Variants in STON2 observed in about 807,000 individuals in gnomAD.
STON2 encodes stonin-2.
In STON2, 29 loss-of-function variants were observed where a neutral mutation model predicts 65.7. The ratio of observed to expected loss-of-function variants is 0.44; its 90% CI spans 0.33 to 0.60. The LOEUF is 0.60. Ranked by LOEUF, STON2 falls within the 20% of genes least tolerant of loss-of-function variation. The probability of loss-of-function intolerance (pLI) is 0.03; values close to 1 mark genes in which losing one functional copy is unlikely to be tolerated. For missense variants in STON2, 1,054 were observed against 1,118.1 expected, an observed-to-expected ratio of 0.94 and a Z score of 0.82; for synonymous variants, 404 against 414.2, an observed-to-expected ratio of 0.98 and a Z score of 0.30.
intron 4 of STON2, among the ~76,000 whole-genome samples, chr14:81,328,953 C>T (rs909862962): frequency 6.6e-6 from 1 of 152,158 alleles, no homozygotes; most frequent in Non-Finnish European, 1.5e-5. Context: ...ACCTGAAGAA[C>T]CATGAGCCAA....
chr14:81,387,614 C>T (rs573608042), intron 3 of STON2, among the ~76,000 whole-genome samples: 3 of 151,972 alleles, frequency 2.0e-5, no homozygotes, highest in Admixed American at 6.6e-5. Flanking sequence ...TCAGGCCAGG[C>T]GTGGTGGCTC....
chr14:81,346,458 T>C (rs565116262), intron 4 of STON2, among the ~76,000 whole-genome samples: 2 of 152,132 alleles, frequency 1.3e-5, no homozygotes, highest in Non-Finnish European at 2.9e-5. Context: ...GCTTGGACAT[T>C]AGGACACAGG....
At chr14:81,374,268 C>T (rs577622980) in intron 3 of STON2, among the ~76,000 whole-genome samples, 4 of 151,620 alleles carry the variant, frequency 2.6e-5, no homozygotes, top group Admixed American at 2.6e-4. Flanking sequence ...ATCTGCCCAC[C>T]TCTGCCTCCC....
At chr14:81,364,385 G>C (rs1898628557) in intron 4 of STON2, among the ~76,000 whole-genome samples, 1 of 152,094 alleles carries the variant, frequency 6.6e-6, no homozygotes, top group South Asian at 2.1e-4. Flanking sequence ...GACAAAGTAA[G>C]GCTAACTTTA....
intron 4 of STON2, among the ~76,000 whole-genome samples, chr14:81,338,642 G>T (rs1482898600): frequency 6.6e-6 from 1 of 152,200 alleles, no homozygotes; most frequent in Non-Finnish European, 1.5e-5. Context: ...TATCTTAAGT[G>T]GGGGATAGTC....
intron 3 of STON2, among the ~76,000 whole-genome samples, chr14:81,372,550 CAAAAA>C (rs202208931): frequency 9.4e-5 from 9 of 95,898 alleles, no homozygotes; most frequent in Admixed American, 3.3e-4. Context: ...AACCCTATCT[CAAAAA>C]AAAAAAAAAA....
chr14:81,333,108 C>A, intron 4 of STON2: 1 of 1,054,518 alleles, frequency 9.5e-7, no homozygotes, highest in South Asian at 1.3e-5. Flanking sequence ...ATTCATATTT[C>A]TTTGCATAAT....
At position 81,365,130 on chromosome 14, in the gene STON2, T is replaced by C. The variant is rs145875611; in HGVS notation, c.571+5858A>G. 1.9e-3 allele frequency among the ~76,000 whole-genome samples: 290 copies of C among 152,306 alleles called. 3 individuals are homozygous for C. Among genetic ancestry groups the C allele is most frequent in the Middle Eastern group, 6.8e-3 (2 of 294 alleles). ...AAAATGGTGCTAACTGAAAATGCTA[T>C]ACAAACTGCATGCTTTTTGCAAGTG... On this transcript the variant is annotated intron_variant, in intron 4 of 7. Coordinates refer to ENST00000614646, the MANE Select transcript of STON2 (RefSeq NM_001394390.1).
At position 81,266,174 on chromosome 14, in the gene STON2, C is replaced by T; in HGVS notation, c.*2240G>A. ...ATCTTGGTAGACATATAGACCAAAT[C>T]CAATGTAAGATTCCCTTTCACAGCA... On this transcript the variant is annotated 3_prime_UTR_variant, in exon 8 of 8. Coordinates refer to ENST00000614646, the MANE Select transcript of STON2 (RefSeq NM_001394390.1). 1.2e-6 allele frequency: 1 copy of T among 861,946 alleles called. No individual in the cohort carries two copies. Among genetic ancestry groups the T allele is most frequent in the Non-Finnish European group, 1.4e-6 (1 of 717,530 alleles). 53.4% of individuals were successfully genotyped at this position (861,946 alleles called of 1,614,324 possible). A position where few individuals can be genotyped will look rare whatever the true frequency, so the allele number is the denominator to read the frequency against.
At chr14:81,386,817 T>G (rs939852374) in intron 3 of STON2, among the ~76,000 whole-genome samples, 6 of 152,192 alleles carry the variant, frequency 3.9e-5, no homozygotes, top group African/African-American at 1.2e-4. Flanking sequence ...GGATGAACTT[T>G]GCTCTTTTAG....
intron 5 of STON2, among the ~76,000 whole-genome samples, chr14:81,309,695 G>C (rs1441106050): frequency 6.6e-6 from 1 of 152,156 alleles, no homozygotes; most frequent in Non-Finnish European, 1.5e-5. Context: ...ACAGGGTTTG[G>C]GGAGGAGCTA....
At chr14:81,286,380 C>T (rs1434555452) in intron 5 of STON2, among the ~76,000 whole-genome samples, 1 of 152,100 alleles carries the variant, frequency 6.6e-6, no homozygotes, top group Non-Finnish European at 1.5e-5. Context: ...ATTAAGAAAT[C>T]GTCACGGCCA....
chr14:81,284,098 G>A (rs1895239737), intron 5 of STON2, among the ~76,000 whole-genome samples: 1 of 152,124 alleles, frequency 6.6e-6, no homozygotes, highest in African/African-American at 2.4e-5. Flanking sequence ...TCCACAGTCT[G>A]GCCATTCCCC....
chr14:81,390,560 C>T (rs181245163), intron 3 of STON2, among the ~76,000 whole-genome samples: 19 of 152,156 alleles, frequency 1.2e-4, no homozygotes, highest in African/African-American at 3.6e-4. Context: ...AGCGAGACTC[C>T]GTCTCAAAAA....
chr14:81,349,122 C>T (rs923393990), intron 4 of STON2, among the ~76,000 whole-genome samples: 5 of 151,874 alleles, frequency 3.3e-5, no homozygotes, highest in Non-Finnish European at 7.4e-5. Flanking sequence ...ACCTAACACC[C>T]GAAACTACAA....
At position 81,377,554 on chromosome 14, in the gene STON2, G is replaced by A. The variant is rs192364023; in HGVS notation, c.374-6369C>T. Among the ~76,000 whole-genome samples, 29 of 152,224 alleles carry A rather than the reference G, an allele frequency of 1.9e-4. No individual in the cohort carries two copies. The East Asian group carries it at 2.3e-3, about 12-fold the overall frequency. ...CAAGAGTGCAATTGCTGGGTCATAC[G>A]GTAATTGCACGTTTAGTTTTATAAG... is the stretch of plus-strand genomic sequence containing the variant. On this transcript the variant is annotated intron_variant, in intron 3 of 7. Coordinates refer to ENST00000614646, the MANE Select transcript of STON2 (RefSeq NM_001394390.1).
intron 3 of STON2, among the ~76,000 whole-genome samples, chr14:81,385,417 GTGTA>G (rs1204493513): frequency 7.1e-6 from 1 of 140,310 alleles, no homozygotes; most frequent in African/African-American, 3.3e-5. Context: ...AGTTGTGTAT[GTGTA>G]TGTATGTATG....
chr14:81,317,917 T>C (rs1896684397), intron 5 of STON2, among the ~76,000 whole-genome samples: 1 of 151,976 alleles, frequency 6.6e-6, no homozygotes, highest in Non-Finnish European at 1.5e-5. Context: ...AGCTATCAAG[T>C]TTGAGATATC....
At chr14:81,423,914 G>T (rs1390581206) in intron 2 of STON2, among the ~76,000 whole-genome samples, 1 of 152,238 alleles carries the variant, frequency 6.6e-6, no homozygotes, top group Non-Finnish European at 1.5e-5. Context: ...GAGAGTCGAT[G>T]TCTGTTGACT....
Sources: gnomAD v4.1 joint callset for allele counts (sites outside exome capture counted in the v4.1 genomes callset) on GRCh38, gnomAD v4.1.1 for gene constraint, MANE v1.5 for transcripts, NCBI Gene and HGNC (gene_info 2026-07-23, HGNC 2026-07-21) for gene names.